The following OSBPL10 variants were observed in gnomAD, a reference collection of about 807,000 sequenced individuals.
OSBPL10 encodes the protein oxysterol binding protein like 10, also known as oxysterol-binding protein-related protein 10.
OSBPL10 carries 49 observed loss-of-function variants against 81.7 expected under a neutral mutation model. The ratio of observed to expected loss-of-function variants is 0.60; its 90% confidence interval spans 0.48 to 0.76. OSBPL10 has a LOEUF of 0.76. Among genes scored for constraint, OSBPL10 ranks in the 30% least tolerant of loss-of-function variants. OSBPL10 has a pLI of 0.00. For missense variants in OSBPL10, 923 were observed against 987.8 expected (o/e 0.93, Z 0.88); for synonymous variants, 419 against 383.6 (o/e 1.09, Z -1.08).
chr3:31,812,920 A>C (rs1421067034), intron 4 of OSBPL10, among the ~76,000 whole-genome samples: 2 of 152,284 alleles, frequency 1.3e-5, no homozygotes, highest in Non-Finnish European at 2.9e-5. Context: ...AAAATGATGT[A>C]GGTTCTATTT....
At chr3:31,884,262 T>C (rs1403855371) in intron 1 of OSBPL10, among the ~76,000 whole-genome samples, 1 of 152,200 alleles carries the variant, frequency 6.6e-6, no homozygotes, top group Non-Finnish European at 1.5e-5. Context: ...AAAAAGAACA[T>C]GTTTCCACTG....
rs140247723 is a variant in OSBPL10, at chr3:31,821,305, T to C, written c.729+8735A>G. 3.2e-4 allele frequency among the ~76,000 whole-genome samples: 48 copies of C among 152,208 alleles called. 1 individual carries two copies. In the East Asian group the frequency reaches 9.3e-3, roughly 29 times the overall value. ...CAAACTGTGTTCTCAAAGGATCCCA[T>C]GGTGTTCCACAGACCACACAAATGT... On this transcript the variant is annotated intron_variant, in intron 4 of 11. Transcript: ENST00000396556.
At position 32,026,029 on chromosome 3, in the gene OSBPL10, T is replaced by TAGAC. The variant is rs1311068304; in HGVS notation, n.298+20461_298+20462insGTCT. 2.4e-3 allele frequency among the ~76,000 whole-genome samples: 294 copies of TAGAC among 122,314 alleles called. 1 individual carries two copies. Among genetic ancestry groups the TAGAC allele is most frequent in the African/African-American group, 9.2e-3 (281 of 30,698 alleles). 80.2% of individuals were successfully genotyped at this position (122,314 alleles called of 152,430 possible). A position where few individuals can be genotyped will look rare whatever the true frequency, so the allele number is the denominator to read the frequency against. ...ATACAGACATAGATAGATAGATAGA[T>TAGAC]AGATAGATAGATAGATAGATAGATA... On this transcript the variant is annotated intron_variant and non_coding_transcript_variant, in intron 2 of 3. Coordinates refer to the OSBPL10 transcript ENST00000479173.
chr3:31,861,312 T>C (rs745384396), intron 3 of OSBPL10, among the ~76,000 whole-genome samples: 1 of 152,162 alleles, frequency 6.6e-6, no homozygotes, highest in South Asian at 2.1e-4. Flanking sequence ...CAAATGGCAT[T>C]TTATTTGCAT....
At chr3:31,912,093 T>C (rs913557657) in intron 1 of OSBPL10, among the ~76,000 whole-genome samples, 4 of 150,634 alleles carry the variant, frequency 2.7e-5, no homozygotes, top group African/African-American at 9.8e-5. Flanking sequence ...TAAAACAATG[T>C]TTAAATCAAA....
At chr3:31,900,025 CTTT>C (rs11423783) in intron 1 of OSBPL10, among the ~76,000 whole-genome samples, 10 of 135,466 alleles carry the variant, frequency 7.4e-5, no homozygotes, top group African/African-American at 1.4e-4. Flanking sequence ...GAAAATAAAA[CTTT>C]TTTTTTTTTT....
chr3:31,825,289 G>A (rs1173517391), intron 4 of OSBPL10, among the ~76,000 whole-genome samples: 1 of 152,156 alleles, frequency 6.6e-6, no homozygotes, highest in Non-Finnish European at 1.5e-5. Context: ...AGATGCACAG[G>A]CCAGAATCAA....
At chr3:31,990,049 A>C in intron 2 of OSBPL10, 1 of 1,614,092 alleles carries the variant, frequency 6.2e-7, no homozygotes, top group Non-Finnish European at 8.5e-7. Flanking sequence ...CAAAGTTTTT[A>C]GTCGCAAATC....
Position 32,061,025 on chromosome 3 carries a change from G to A in OSBPL10, n.186-14422C>T, listed in dbSNP as rs1316272260. Among the ~76,000 whole-genome samples the A allele has an allele frequency of 4.7e-5, 4 of 85,116 alleles. 2 individuals are homozygous for A. The highest frequency in any genetic ancestry group is 1.2e-4 in the African/African-American group (4 of 33,376). 55.8% of individuals were successfully genotyped at this position (85,116 alleles called of 152,430 possible). A position where few individuals can be genotyped will look rare whatever the true frequency, so the allele number is the denominator to read the frequency against. ...ACCCCCTGCTCCTGCTCTGTCCCTCGACACAATCACCCCTCTTCAGTTCCT... is the reference window on the plus strand; with the variant it reads ...ACCCCCTGCTCCTGCTCTGTCCCTCAACACAATCACCCCTCTTCAGTTCCT... On this transcript the variant is annotated intron_variant and non_coding_transcript_variant, in intron 1 of 3. Coordinates refer to the OSBPL10 transcript ENST00000479173.
At chr3:31,840,930 C>T (rs567450532) in intron 3 of OSBPL10, among the ~76,000 whole-genome samples, 16 of 152,270 alleles carry the variant, frequency 1.1e-4, no homozygotes, top group East Asian at 3.9e-4. Flanking sequence ...GTTTTTGAGA[C>T]GGAGTTTCGC....
At chr3:31,703,057 A>G (rs1330333418) in intron 6 of OSBPL10, among the ~76,000 whole-genome samples, 1 of 152,232 alleles carries the variant, frequency 6.6e-6, no homozygotes, top group East Asian at 1.9e-4. Context: ...GAGGAAGACA[A>G]CAAATGAAAA....
At chr3:31,881,317 C>T (rs749774831) in intron 1 of OSBPL10, among the ~76,000 whole-genome samples, 25 of 152,184 alleles carry the variant, frequency 1.6e-4, no homozygotes, top group Admixed American at 8.5e-4. Context: ...CTAAATCCCA[C>T]GTTTCTCCAT....
intron 2 of OSBPL10, among the ~76,000 whole-genome samples, chr3:32,040,925 G>C (rs529228256): frequency 2.6e-5 from 4 of 152,300 alleles, no homozygotes; most frequent in African/African-American, 9.6e-5. Context: ...CTCCAGAGAG[G>C]TACAGGAGAT....
chr3:31,717,438 C>T (rs1696479774), intron 6 of OSBPL10, among the ~76,000 whole-genome samples: 3 of 152,116 alleles, frequency 2.0e-5, no homozygotes, highest in African/African-American at 7.2e-5. Context: ...GTCCTGATTT[C>T]TGTAAATATT....
intron 1 of OSBPL10, among the ~76,000 whole-genome samples, chr3:31,926,288 T>TCCCCCCC (rs1034706033): frequency 2.5e-4 from 22 of 88,116 alleles, no homozygotes; most frequent in East Asian, 5.1e-4. Flanking sequence ...TGGGTGATTT[T>TCCCCCCC]GCCCCCCCAG....
intron 8 of OSBPL10, among the ~76,000 whole-genome samples, chr3:31,675,220 C>G (rs1220486234): frequency 6.6e-6 from 1 of 152,180 alleles, no homozygotes; most frequent in Admixed American, 6.5e-5. Flanking sequence ...TAGCAGGAAA[C>G]CTCTACAGAC....
intron 3 of OSBPL10, among the ~76,000 whole-genome samples, chr3:31,856,419 G>A (rs977896246): frequency 1.3e-5 from 2 of 152,080 alleles, no homozygotes; most frequent in African/African-American, 2.4e-5. Flanking sequence ...AAATGGCACT[G>A]AGCTTAATAA....
At chr3:32,008,691 G>A (rs1198948129) in intron 2 of OSBPL10, among the ~76,000 whole-genome samples, 7 of 150,488 alleles carry the variant, frequency 4.7e-5, no homozygotes, top group African/African-American at 1.2e-4. Flanking sequence ...TCGAGGCTGC[G>A]GTAAGGCAAG....
At chr3:31,981,363 G>C (rs527671755), upstream of OSBPL10, 93 of 1,057,926 alleles carry the variant, frequency 8.8e-5, no homozygotes, top group East Asian at 2.1e-3. The surrounding 1 kb of genome is among the most constrained non-coding windows in gnomAD (Gnocchi z 4.5). Flanking sequence ...GGAAGCCAAC[G>C]GGGCTGGATG....
Sources: allele counts gnomAD v4.1 joint callset (sites outside exome capture counted in the v4.1 genomes callset), GRCh38; gene constraint gnomAD v4.1.1; non-coding constraint Gnocchi (gnomAD v3.1); transcripts MANE v1.5; gene names NCBI Gene and HGNC (gene_info 2026-07-23, HGNC 2026-07-21).